EEA1: variants seen among roughly 807,000 people sequenced by gnomAD.
EEA1 encodes early endosome antigen 1.
In EEA1, 111 loss-of-function variants were observed where a neutral mutation model predicts 209.2. The observed-to-expected ratio is 0.53, with a 90% CI of 0.45 to 0.62. EEA1 has a LOEUF of 0.62. Among genes scored for constraint, EEA1 ranks in the 20% least tolerant of loss-of-function variants. EEA1 has a pLI of 0.00. For missense variants in EEA1, 1,343 were observed against 1,530.8 expected (o/e 0.88, Z 2.05); for synonymous variants, 536 against 540.6 (o/e 0.99, Z 0.12).
intron 1 of EEA1, among the ~76,000 whole-genome samples, chr12:92,904,049 G>A (rs1042476742): frequency 1.1e-4 from 17 of 151,196 alleles, no homozygotes; most frequent in South Asian, 2.1e-4. Flanking sequence ...CACAACCCCC[G>A]CCTCCCGGGT....
At position 92,928,420 on chromosome 12, in the gene EEA1, T is replaced by C. The variant is rs945008718; in HGVS notation, c.24+623A>G. On this transcript the variant is annotated intron_variant, in intron 1 of 28. Coordinates refer to ENST00000322349, the MANE Select transcript of EEA1 (RefSeq NM_003566.4). ...GGTAGTGGGGCTTGCACAGAAAACA[T>C]ATTTTTAATTAAAAAAAAAGTTTCC... Among the ~76,000 whole-genome samples the C allele has an allele frequency of 2.0e-5, 3 of 152,320 alleles. No individual in the cohort carries two copies. The East Asian group carries it at 5.8e-4, about 29-fold the overall frequency.
intron 2 of EEA1, among the ~76,000 whole-genome samples, chr12:92,885,266 T>C (rs1192825744): frequency 3.3e-5 from 5 of 152,108 alleles, no homozygotes; most frequent in Admixed American, 3.3e-4. Context: ...ATTATATAAA[T>C]AGAACCAAAG....
intron 17 of EEA1, 91 bp from the exon 18 acceptor site, chr12:92,809,247 C>A: frequency 1.0e-6 from 1 of 982,948 alleles, no homozygotes. Context: ...TATATTCAAA[C>A]AGGTGTGACA....
intron 13 of EEA1, 30 bp downstream of exon 13, chr12:92,826,136 T>C (rs1876284960): frequency 6.2e-7 from 1 of 1,608,626 alleles, no homozygotes; most frequent in Non-Finnish European, 8.5e-7. Context: ...AATTTGTGTT[T>C]ACAAGGCTAA....
chr12:92,899,450 C>T (rs1024131844), intron 1 of EEA1, among the ~76,000 whole-genome samples: 1 of 152,184 alleles, frequency 6.6e-6, no homozygotes, highest in African/African-American at 2.4e-5. Context: ...GGGAGGTTTC[C>T]ACTTTCTAGA....
chr12:92,903,324 G>A (rs1880232297), intron 1 of EEA1, among the ~76,000 whole-genome samples: 1 of 151,684 alleles, frequency 6.6e-6, no homozygotes, highest in African/African-American at 2.4e-5. Context: ...GCAGTCGGAA[G>A]CGGTAGCTCA....
rs1236240929 is a variant in EEA1, at chr12:92,850,962, C to G, written c.798+149G>C. ...AAAACATACTGAGAGACCACATTGACTATAAACAAATATTATTCAGATCAA... is the reference window on the plus strand; with the variant it reads ...AAAACATACTGAGAGACCACATTGAGTATAAACAAATATTATTCAGATCAA... On this transcript the variant is annotated intron_variant, in intron 9 of 28. Coordinates refer to ENST00000322349, the MANE Select transcript of EEA1 (RefSeq NM_003566.4). 5 of 697,406 alleles carry G rather than the reference C, an allele frequency of 7.2e-6. No individual in the cohort carries two copies. The African/African-American group carries it at 9.1e-5, about 13-fold the overall frequency. 43.2% of individuals were successfully genotyped at this position (697,406 alleles called of 1,614,324 possible).
At chr12:92,885,218 T>C (rs1879328088) in intron 2 of EEA1, among the ~76,000 whole-genome samples, 1 of 152,080 alleles carries the variant, frequency 6.6e-6, no homozygotes, top group Non-Finnish European at 1.5e-5. Context: ...GGCACTCAAA[T>C]TGTTCAAGGG....
At chr12:92,828,755 T>G (rs954412447) in intron 11 of EEA1, among the ~76,000 whole-genome samples, 1 of 152,042 alleles carries the variant, frequency 6.6e-6, no homozygotes, top group East Asian at 1.9e-4. Flanking sequence ...TCAGTGTTCC[T>G]TCCTACCTCT....
At chr12:92,822,719 G>A (rs1342143082) in intron 13 of EEA1, among the ~76,000 whole-genome samples, 1 of 152,002 alleles carries the variant, frequency 6.6e-6, no homozygotes, top group African/African-American at 2.4e-5. Flanking sequence ...TCTTCTGGCT[G>A]ATCACATCTA....
At chr12:92,898,595 C>T (rs1879997494) in intron 1 of EEA1, among the ~76,000 whole-genome samples, 1 of 150,032 alleles carries the variant, frequency 6.7e-6, no homozygotes, top group African/African-American at 2.5e-5. Flanking sequence ...ACCTGGGAGA[C>T]AGAAGTTGCA....
chr12:92,913,099 G>C (rs1716144444), intron 1 of EEA1, among the ~76,000 whole-genome samples: 1 of 152,142 alleles, frequency 6.6e-6, no homozygotes, highest in African/African-American at 2.4e-5. Context: ...TCTGTTTTTA[G>C]CTCTTTGAGA....
chr12:92,903,081 C>T (rs539912388), intron 1 of EEA1, among the ~76,000 whole-genome samples: 4 of 151,400 alleles, frequency 2.6e-5, no homozygotes, highest in South Asian at 2.1e-4. Flanking sequence ...GTTACAGGCA[C>T]CCGCCACCAC....
chr12:92,789,947 G>C (rs998505520), intron 21 of EEA1, among the ~76,000 whole-genome samples: 1 of 152,180 alleles, frequency 6.6e-6, no homozygotes, highest in African/African-American at 2.4e-5. Context: ...AGCAATATTT[G>C]CTGTTCTGCA....
chr12:92,854,037 G>A (rs973716565), intron 5 of EEA1, 83 bp from the exon 6 acceptor site: 53 of 1,116,934 alleles, frequency 4.7e-5, no homozygotes, highest in Non-Finnish European at 6.6e-5. Context: ...AAAAATCTCT[G>A]AAAGTCACTT....
Position 92,848,440 on chromosome 12 carries a change from T to C in EEA1, c.798+2671A>G, listed in dbSNP as rs1157485865. Among the ~76,000 whole-genome samples the C allele has an allele frequency of 3.3e-5, 5 of 152,126 alleles. No individual in the cohort carries two copies. In the East Asian group the frequency reaches 9.6e-4, roughly 29 times the overall value. On this transcript the variant is annotated intron_variant, in intron 9 of 28. Coordinates refer to ENST00000322349, the MANE Select transcript of EEA1 (RefSeq NM_003566.4). ...GAGGTCAAGACCAGCCTAAGCAACA[T>C]AGCAAGACCCCATCTCTACCAAAAA...
rs781024882 is a variant in EEA1, at chr12:92,923,000, T to G, written c.24+6043A>C. On this transcript the variant is annotated intron_variant, in intron 1 of 28. Transcript: ENST00000322349. The stretch of plus-strand genomic sequence containing the variant: ...AAAATAAAATAAAATAAAATAAAGA[T>G]TACCTGGGAGAAATATTTTTGGAGG... 1.1e-3 allele frequency among the ~76,000 whole-genome samples: 141 copies of G among 129,270 alleles called. 1 individual carries two copies. Among genetic ancestry groups the G allele is most frequent in the Non-Finnish European group, 7.7e-4 (47 of 61,382 alleles). 84.8% of individuals were successfully genotyped at this position (129,270 alleles called of 152,430 possible).
In EEA1 at chr12:92,782,007, C is replaced by T. The variant is rs752558775; in HGVS notation, c.3279G>A (p.Lys1093=). ...AKATLEQDSA[K]KEQQLQERCK... is the part of the protein sequence containing the mutation. ...ATCGCTCCTGCAATTGCTGTTCTTT[C>T]TTTGCTGAATCCTGCTCCAATGTAG... The change falls in exon 23 of 29, where the codon AAG becomes AAA. Residue 1093 remains lysine, a synonymous_variant. Coordinates refer to ENST00000322349, the MANE Select transcript of EEA1 (RefSeq NM_003566.4). 1 of 1,613,078 alleles carries T rather than the reference C, an allele frequency of 6.2e-7. No homozygotes were observed. The highest frequency in any genetic ancestry group is 8.5e-7 in the Non-Finnish European group (1 of 1,179,444).
intron 2 of EEA1, among the ~76,000 whole-genome samples, chr12:92,886,271 G>A (rs1160439411): frequency 6.7e-6 from 1 of 148,808 alleles, no homozygotes; most frequent in Non-Finnish European, 1.5e-5. Flanking sequence ...AGAGGCTGAG[G>A]TGGGAGGAAT....
Sources: allele counts gnomAD v4.1 joint callset (sites outside exome capture counted in the v4.1 genomes callset), GRCh38; gene constraint gnomAD v4.1.1; transcripts MANE v1.5; gene names NCBI Gene and HGNC (gene_info 2026-07-23, HGNC 2026-07-21).